The following SLA2 variants were observed in gnomAD, a reference collection of about 807,000 sequenced individuals.
SLA2 encodes the protein src-like-adapter 2.
SLA2 carries 22 observed loss-of-function variants against 27.3 expected under a neutral mutation model. That is an observed-to-expected ratio of 0.81 (90% CI 0.58 to 1.15). The LOEUF is 1.15. SLA2 is among the 50% of genes most tolerant of loss of function. The probability of loss-of-function intolerance (pLI) is 0.00; values close to 1 mark genes in which losing one functional copy is unlikely to be tolerated. For synonymous variants in SLA2, 131 were observed against 137.8 expected, an observed-to-expected ratio of 0.95 and a Z score of 0.34; for missense variants, 304 against 322.2, an observed-to-expected ratio of 0.94 and a Z score of 0.43.
At chr20:36,619,298 G>A (rs1379371640) in intron 5 of SLA2, among the ~76,000 whole-genome samples, 3 of 151,356 alleles carry the variant, frequency 2.0e-5, no homozygotes, top group Non-Finnish European at 4.4e-5. Flanking sequence ...GGCTAAGGTG[G>A]GTGGATCACC....
chr20:36,641,884 G>A (rs1344297231), intron 1 of SLA2, among the ~76,000 whole-genome samples: 2 of 151,852 alleles, frequency 1.3e-5, no homozygotes, highest in South Asian at 2.1e-4. Context: ...AGGGCTGGGT[G>A]TGGTGGCTCA....
At chr20:36,618,285 G>A (rs1048507693) in intron 5 of SLA2, among the ~76,000 whole-genome samples, 14 of 152,084 alleles carry the variant, frequency 9.2e-5, no homozygotes, top group African/African-American at 3.4e-4. Flanking sequence ...TCAAAAGACT[G>A]GAGTGCAGTG....
chr20:36,614,217 C>G, intron 7 of SLA2, 88 bp downstream of exon 7: 1 of 1,601,062 alleles, frequency 6.2e-7, no homozygotes, highest in Non-Finnish European at 8.6e-7. Flanking sequence ...CTGAGTGTGA[C>G]AGGTACATTC....
At chr20:36,633,674 G>GC in intron 3 of SLA2, 45 bp from the exon 4 acceptor site, 1 of 1,530,766 alleles carries the variant, frequency 6.5e-7, no homozygotes, top group African/African-American at 1.4e-5. Context: ...GATGAGCCAA[G>GC]GCCCCGACAA....
At chr20:36,614,769 G>A (rs2039188006) in intron 6 of SLA2, 3 of 985,396 alleles carry the variant, frequency 3.0e-6, no homozygotes, top group Non-Finnish European at 3.6e-6. Context: ...AGAGTGACCT[G>A]CAGAAAACCC....
intron 5 of SLA2, among the ~76,000 whole-genome samples, chr20:36,618,888 C>G (rs1260846405): frequency 2.2e-5 from 2 of 89,986 alleles, no homozygotes; most frequent in Non-Finnish European, 3.9e-5. Context: ...GCCTAGGGAA[C>G]AAGAGTGAAC....
In SLA2 at chr20:36,612,917, AAT is replaced by A. The variant is rs1453633662; in HGVS notation, c.*947_*948del. 1.3e-5 allele frequency: 2 copies of A among 153,514 alleles called. No individual in the cohort carries two copies. Among genetic ancestry groups the A allele is most frequent in the Non-Finnish European group, 2.9e-5 (2 of 68,960 alleles). 9.5% of individuals were successfully genotyped at this position (153,514 alleles called of 1,614,324 possible). ...TAGGGAATGGTAAGCCACAAAATGAAATAGAGATCTGAGAGCTAGGCTGGGTG... is the reference window on the plus strand; with the variant it reads ...TAGGGAATGGTAAGCCACAAAATGAAAGAGATCTGAGAGCTAGGCTGGGTG... On this transcript the variant is annotated 3_prime_UTR_variant, in exon 8 of 8. Transcript: ENST00000262866.
At chr20:36,633,712 T>C in intron 3 of SLA2, 83 bp from the exon 4 acceptor site, 2 of 1,181,024 alleles carry the variant, frequency 1.7e-6, no homozygotes, top group Admixed American at 3.7e-5. Context: ...GCAAGGACCC[T>C]CTCAGGCTGG....
At chr20:36,634,149 G>A (rs759335424) in intron 3 of SLA2, among the ~76,000 whole-genome samples, 9 of 151,840 alleles carry the variant, frequency 5.9e-5, no homozygotes, top group Non-Finnish European at 2.9e-5. Flanking sequence ...CACCAAGCCC[G>A]GCTAATTTTT....
chr20:36,626,400 A>AC (rs780659188), intron 5 of SLA2, among the ~76,000 whole-genome samples: 2,096 of 147,038 alleles, frequency 0.014, 24 homozygotes, highest in Non-Finnish European at 0.022. Flanking sequence ...AAAAAAAAAA[A>AC]AACACACACA....
chr20:36,619,823 G>A (rs1413308841), intron 5 of SLA2, among the ~76,000 whole-genome samples: 1 of 150,692 alleles, frequency 6.6e-6, no homozygotes. Context: ...TAGTAGAAAC[G>A]GGGTTTCACC....
At chr20:36,628,409 C>T (rs896210341) in intron 5 of SLA2, among the ~76,000 whole-genome samples, 6 of 152,206 alleles carry the variant, frequency 3.9e-5, no homozygotes, top group East Asian at 1.9e-4. Flanking sequence ...CTGGTCCAGA[C>T]GCACTAAATT....
chr20:36,633,184 A>C (rs2039409587), intron 4 of SLA2, among the ~76,000 whole-genome samples: 1 of 151,130 alleles, frequency 6.6e-6, no homozygotes, highest in Non-Finnish European at 1.5e-5. Flanking sequence ...TGATCCTCCC[A>C]CCTCAGCCTC....
At chr20:36,620,172 C>T (rs1053220026) in intron 5 of SLA2, among the ~76,000 whole-genome samples, 5 of 151,306 alleles carry the variant, frequency 3.3e-5, no homozygotes, top group Middle Eastern at 6.8e-3. Flanking sequence ...GGGCAGATCA[C>T]GAGGTCAGGA....
intron 1 of SLA2, among the ~76,000 whole-genome samples, chr20:36,644,977 T>A (rs575863930): frequency 4.0e-5 from 6 of 150,214 alleles, no homozygotes; most frequent in Admixed American, 1.3e-4. Flanking sequence ...AGCCCATTCG[T>A]GCAGGACTGG....
chr20:36,619,380 G>C (rs1349756588), intron 5 of SLA2, among the ~76,000 whole-genome samples: 1 of 150,570 alleles, frequency 6.6e-6, no homozygotes, highest in Non-Finnish European at 1.5e-5. Context: ...ACAAAAATTA[G>C]CCAGGCATGG....
chr20:36,624,092 C>T (rs2147983885), intron 5 of SLA2, among the ~76,000 whole-genome samples: 1 of 152,220 alleles, frequency 6.6e-6, no homozygotes, highest in Non-Finnish European at 1.5e-5. Flanking sequence ...AGCCTCACAT[C>T]CAGCCCAACA....
chr20:36,614,120 G>C lies in SLA2; in HGVS notation c.666-134C>G, dbSNP rs1288519536. The stretch of plus-strand genomic sequence containing the variant: ...CATGGGGCTCCCCTGTTCCCTATCA[G>C]ATCAGCTTCCCCAGCCCCACCTGTC... On this transcript the variant is annotated intron_variant, in intron 7 of 7. Transcript: ENST00000262866. 6 of 1,475,088 alleles carry C rather than the reference G, an allele frequency of 4.1e-6. No individual in the cohort carries two copies. The African/African-American group carries it at 8.4e-5, about 21-fold the overall frequency. The allele number at this position is 1,475,088 out of a possible 1,614,324, so 91.4% of individuals were successfully genotyped here.
At chr20:36,635,571 A>G (rs1395800465) in intron 2 of SLA2, among the ~76,000 whole-genome samples, 1 of 152,034 alleles carries the variant, frequency 6.6e-6, no homozygotes, top group East Asian at 1.9e-4. Flanking sequence ...CTAGTTCCCC[A>G]CATCCTCCCA....
Sources: allele counts gnomAD v4.1 joint callset (sites outside exome capture counted in the v4.1 genomes callset), GRCh38; gene constraint gnomAD v4.1.1; transcripts MANE v1.5; gene names NCBI Gene and HGNC (gene_info 2026-07-23, HGNC 2026-07-21).